SHLD1: variants seen among roughly 807,000 people sequenced by gnomAD.
SHLD1 encodes the protein RINN1-REV7-interacting novel NHEJ regulator 3.
A neutral mutation model predicts 5.5 loss-of-function variants in SHLD1; 3 were observed. The observed-to-expected ratio is 0.54, with a 90% CI of 0.25 to 1.40. The LOEUF is 1.40. Ranked by LOEUF, SHLD1 falls within the 40% of genes most tolerant of loss-of-function variation. The pLI is 0.15. For synonymous variants in SHLD1, 92 were observed against 94.3 expected, an observed-to-expected ratio of 0.98 and a Z score of 0.14; for missense variants, 210 against 244.4, an observed-to-expected ratio of 0.86 and a Z score of 0.94.
intron 2 of SHLD1, 104 bp downstream of exon 2, chr20:5,773,147 G>T: frequency 7.6e-7 from 1 of 1,313,604 alleles, no homozygotes. Flanking sequence ...CTCTGAGAAT[G>T]CTTCATTGTC....
intron 2 of SHLD1, among the ~76,000 whole-genome samples, chr20:5,774,159 G>A (rs186878417): frequency 2.2e-4 from 34 of 152,250 alleles, no homozygotes; most frequent in Middle Eastern, 3.4e-3. Flanking sequence ...AGCTGAGATC[G>A]TGCCACTTCA....
At chr20:5,778,481 C>G (rs946840192) in intron 2 of SHLD1, among the ~76,000 whole-genome samples, 2 of 151,746 alleles carry the variant, frequency 1.3e-5, no homozygotes, top group Non-Finnish European at 2.9e-5. Context: ...GTGGTACACA[C>G]CTGTGGTTCC....
intron 2 of SHLD1, among the ~76,000 whole-genome samples, chr20:5,825,406 C>T (rs1020506665): frequency 6.6e-6 from 1 of 152,216 alleles, no homozygotes; most frequent in Admixed American, 6.5e-5. Context: ...GTTAAGCTAG[C>T]ACATTTAACA....
intron 2 of SHLD1, among the ~76,000 whole-genome samples, chr20:5,858,382 A>G (rs1454063694): frequency 6.6e-6 from 1 of 152,192 alleles, no homozygotes; most frequent in Non-Finnish European, 1.5e-5. Flanking sequence ...TCTCTGGAAG[A>G]ATCCCTCATT....
At chr20:5,792,798 C>T (rs767913332) in intron 2 of SHLD1, among the ~76,000 whole-genome samples, 2 of 152,000 alleles carry the variant, frequency 1.3e-5, no homozygotes, top group Non-Finnish European at 2.9e-5. Context: ...CTCAGCCTCC[C>T]GAGTAGCTGG....
chr20:5,793,821 C>T (rs1032947038), intron 2 of SHLD1, among the ~76,000 whole-genome samples: 3 of 152,070 alleles, frequency 2.0e-5, no homozygotes, highest in Admixed American at 2.0e-4. Flanking sequence ...GATTCTCCTG[C>T]CTCATCCTCC....
chr20:5,802,682 T>A (rs906767623), intron 2 of SHLD1, among the ~76,000 whole-genome samples: 23 of 152,134 alleles, frequency 1.5e-4, no homozygotes, highest in African/African-American at 4.6e-4. Flanking sequence ...GGTCTCACTC[T>A]GTTGCTCAGG....
chr20:5,860,501 C>T (rs2088147426), intron 2 of SHLD1, among the ~76,000 whole-genome samples: 1 of 152,110 alleles, frequency 6.6e-6, no homozygotes, highest in Admixed American at 6.5e-5. Context: ...AACAGTGATG[C>T]ATTACTACCA....
intron 2 of SHLD1, among the ~76,000 whole-genome samples, chr20:5,831,970 C>T (rs578029937): frequency 3.7e-4 from 56 of 152,164 alleles, no homozygotes; most frequent in African/African-American, 1.3e-3. Flanking sequence ...TTCTTTGAAA[C>T]GGAGCCTTGC....
At chr20:5,789,207 G>A (rs550986697) in intron 2 of SHLD1, among the ~76,000 whole-genome samples, 1,677 of 41,914 alleles carry the variant, frequency 0.04, 33 homozygotes, top group African/African-American at 0.16. Flanking sequence ...TAAAAGTTGT[G>A]CTTTTTTTTT....
Position 5,863,897 on chromosome 20 carries a change from ACCT to A in SHLD1, c.*436_*438del, listed in dbSNP as rs1348804339. 1.3e-5 allele frequency: 2 copies of A among 155,672 alleles called. No individual in the cohort carries two copies. Among genetic ancestry groups the A allele is most frequent in the Non-Finnish European group, 2.8e-5 (2 of 70,828 alleles). The allele number at this position is 155,672 out of a possible 1,614,324, so 9.6% of individuals were successfully genotyped here. On this transcript the variant is annotated 3_prime_UTR_variant, in exon 3 of 3. Coordinates refer to ENST00000303142, the MANE Select transcript of SHLD1 (RefSeq NM_152504.4). ...GTCTCTGGGAGCCTTTCCTTAATAAACCTCTTATATCTGAATCCTTGACTCAGA... is the reference window on the plus strand; with the variant it reads ...GTCTCTGGGAGCCTTTCCTTAATAAACTTATATCTGAATCCTTGACTCAGA...
chr20:5,753,911 T>C (rs926832025), intron 1 of SHLD1, among the ~76,000 whole-genome samples: 7 of 152,178 alleles, frequency 4.6e-5, no homozygotes, highest in Non-Finnish European at 7.3e-5. Flanking sequence ...CTTTTCTCTT[T>C]TGCCTATTAG....
intron 2 of SHLD1, among the ~76,000 whole-genome samples, chr20:5,854,321 T>A (rs1312201208): frequency 2.6e-5 from 4 of 152,066 alleles, no homozygotes; most frequent in African/African-American, 9.7e-5. Flanking sequence ...TTTTTTGGTA[T>A]TTTTTTGGTA....
chr20:5,808,387 T>C (rs946185944), intron 2 of SHLD1, among the ~76,000 whole-genome samples: 2 of 152,218 alleles, frequency 1.3e-5, no homozygotes, highest in African/African-American at 2.4e-5. Context: ...TAAATATAGA[T>C]AGACATACAT....
intron 2 of SHLD1, among the ~76,000 whole-genome samples, chr20:5,860,802 A>T (rs780264651): frequency 6.9e-6 from 1 of 143,896 alleles, no homozygotes; most frequent in African/African-American, 2.5e-5. Flanking sequence ...CAGTCCAGTG[A>T]TAGTGTTCTT....
chr20:5,759,691 G>A (rs1053035989), intron 1 of SHLD1, among the ~76,000 whole-genome samples: 2 of 151,892 alleles, frequency 1.3e-5, no homozygotes, highest in South Asian at 2.1e-4. Flanking sequence ...TTGCCACCAC[G>A]ACTTGCTAAT....
chr20:5,844,298 C>G (rs186198727), intron 2 of SHLD1, among the ~76,000 whole-genome samples: 1 of 152,342 alleles, frequency 6.6e-6, no homozygotes, highest in East Asian at 1.9e-4. Context: ...TGTTTCTCTT[C>G]TTCAGTGTAT....
chr20:5,850,421 T>C (rs991116724), intron 2 of SHLD1, among the ~76,000 whole-genome samples: 1 of 151,958 alleles, frequency 6.6e-6, no homozygotes, highest in Non-Finnish European at 1.5e-5. Context: ...CACCTAGCAC[T>C]GGGCTTCCCC....
chr20:5,823,827 G>A (rs2087635599), intron 2 of SHLD1, among the ~76,000 whole-genome samples: 1 of 152,164 alleles, frequency 6.6e-6, no homozygotes, highest in Admixed American at 6.5e-5. Flanking sequence ...GCATGGGCAA[G>A]CTTCCTCCAC....
Sources: gnomAD v4.1 joint callset for allele counts (sites outside exome capture counted in the v4.1 genomes callset) on GRCh38, gnomAD v4.1.1 for gene constraint, MANE v1.5 for transcripts, NCBI Gene and HGNC (gene_info 2026-07-23, HGNC 2026-07-21) for gene names.